The following RILPL1 variants were observed in gnomAD, a reference collection of about 807,000 sequenced individuals.
RILPL1 encodes Rab interacting lysosomal protein like 1.
A neutral mutation model predicts 50.3 loss-of-function variants in RILPL1; 33 were observed. The ratio of observed to expected loss-of-function variants is 0.66; its 90% CI spans 0.50 to 0.88. The LOEUF is 0.88. Among genes scored for constraint, RILPL1 ranks in the 40% least tolerant of loss-of-function variants. The probability of loss-of-function intolerance (pLI) is 0.00; values close to 1 mark genes in which losing one functional copy is unlikely to be tolerated. For synonymous variants in RILPL1, 205 were observed against 228.6 expected (o/e 0.90, Z 0.93); for missense variants, 418 against 542.5 (o/e 0.77, Z 2.28).
intron 2 of RILPL1, among the ~76,000 whole-genome samples, chr12:123,501,936 G>A (rs1162784786): frequency 2.0e-5 from 3 of 148,962 alleles, no homozygotes; most frequent in Non-Finnish European, 4.5e-5. Flanking sequence ...TTAGCCAGGC[G>A]TGGTGGCGCA....
intron 2 of RILPL1, among the ~76,000 whole-genome samples, chr12:123,517,141 C>A (rs531373138): frequency 6.9e-6 from 1 of 144,216 alleles, no homozygotes; most frequent in East Asian, 1.9e-4. Flanking sequence ...CACACAGACA[C>A]GGAGGAGAAC....
rs1882706363 is a variant in RILPL1 at position 123,491,805 on chromosome 12, G to A, written c.802-6000C>T. ...GGATCATTTGAGGTCAAGAGTTCGA[G>A]ATCAGCCTGGGCAACATGGTAAAAC... On this transcript the variant is annotated intron_variant, in intron 4 of 6. Transcript: ENST00000376874. This position sits in a 1 kb window ranked among gnomAD's most constrained non-coding sequence, Gnocchi z 4.0. 6.6e-6 allele frequency among the ~76,000 whole-genome samples: 1 copy of A among 152,118 alleles called. No individual in the cohort carries two copies. The highest frequency in any genetic ancestry group is 1.5e-5 in the Non-Finnish European group (1 of 68,030).
At chr12:123,526,501 G>A (rs1885263513) in intron 1 of RILPL1, among the ~76,000 whole-genome samples, 1 of 152,138 alleles carries the variant, frequency 6.6e-6, no homozygotes, top group Middle Eastern at 3.4e-3. Flanking sequence ...GTGGGTGTGA[G>A]GATTAAATGG....
At chr12:123,487,848 G>A (rs918770612) in intron 4 of RILPL1, among the ~76,000 whole-genome samples, 10 of 152,194 alleles carry the variant, frequency 6.6e-5, no homozygotes, top group Non-Finnish European at 1.3e-4. Context: ...TTGTCAAACC[G>A]TTTCCCACGG....
chr12:123,474,814 C>G (rs1476462104), intron 6 of RILPL1: 1 of 152,200 alleles, frequency 6.6e-6, no homozygotes, highest in Non-Finnish European at 1.5e-5. Context: ...TTTTGGTTCC[C>G]TCTGTTTGCT....
Position 123,499,477 on chromosome 12 carries a change from G to A in RILPL1, c.520C>T (p.Arg174Cys), listed in dbSNP as rs1383271296. 2 of 1,613,806 alleles carry A rather than the reference G, an allele frequency of 1.2e-6. No homozygotes were observed. The highest frequency in any genetic ancestry group is 1.7e-6 in the Non-Finnish European group (2 of 1,179,876). The stretch of plus-strand genomic sequence containing the variant: ...CTGTCCTTGGCGCGGATCTCGTCGC[G>A]TTGTTTGTCCACCACCTCCTTCAGC... ...KKLKEVVDKQ[R>C]DEIRAKDREL... Residue 174 changes from arginine to cysteine, a missense_variant, in exon 3 of 7, where the codon CGC becomes TGC. Physicochemically the swap from Arg to Cys is radical, Grantham distance 180. Coordinates refer to ENST00000376874, the MANE Select transcript of RILPL1 (RefSeq NM_178314.5).
In RILPL1 at chr12:123,475,877, T is replaced by G. The variant is rs147356346; in HGVS notation, c.1068-3195A>C. On this transcript the variant is annotated intron_variant, in intron 6 of 6. Transcript: ENST00000376874. ...AAGTTAGCGGTTGAATTGTGTCACCTGCCTCTAAATTCACTTAAAATTTTT... is the reference window on the plus strand; with the variant it reads ...AAGTTAGCGGTTGAATTGTGTCACCGGCCTCTAAATTCACTTAAAATTTTT... 3.7e-4 allele frequency: 221 copies of G among 599,032 alleles called. No homozygotes were observed. In the African/African-American group the frequency reaches 3.8e-3, roughly 10 times the overall value. 37.1% of individuals were successfully genotyped at this position (599,032 alleles called of 1,614,324 possible). A position where few individuals can be genotyped will look rare whatever the true frequency, so the allele number is the denominator to read the frequency against.
rs1242348707 is a variant in RILPL1, at chr12:123,489,954, T to G, written c.802-4149A>C. Among the ~76,000 whole-genome samples, 1 of 152,216 alleles carries G rather than the reference T, an allele frequency of 6.6e-6. No individual in the cohort carries two copies. Among genetic ancestry groups the G allele is most frequent in the Non-Finnish European group, 1.5e-5 (1 of 68,040 alleles). On this transcript the variant is annotated intron_variant, in intron 4 of 6. Transcript: ENST00000376874. The surrounding 1 kb of genome is among the most constrained non-coding windows in gnomAD (Gnocchi z 4.0). ...AGATTTCATATTGAAGTTTGCATTT[T>G]GGGCTTCCTGTGGAAAGTGCGCTGG...
intron 6 of RILPL1, chr12:123,473,975 C>G (rs759517790): frequency 2.0e-5 from 3 of 152,180 alleles, no homozygotes; most frequent in Admixed American, 6.5e-5. Context: ...ACCTCCACCT[C>G]CCCGGTTCAA....
In RILPL1 at chr12:123,533,119, C is replaced by T; in HGVS notation, c.309+55G>A. The T allele has an allele frequency of 6.8e-7, 1 of 1,466,540 alleles. No homozygotes were observed. The highest frequency in any genetic ancestry group is 9.1e-7 in the Non-Finnish European group (1 of 1,101,560). The allele number at this position is 1,466,540 out of a possible 1,614,324, so 90.8% of individuals were successfully genotyped here. A position where few individuals can be genotyped will look rare whatever the true frequency, so the allele number is the denominator to read the frequency against. On this transcript the variant is annotated intron_variant, in intron 1 of 6. Coordinates refer to ENST00000376874, the MANE Select transcript of RILPL1 (RefSeq NM_178314.5). This position sits in a 1 kb window ranked among gnomAD's most constrained non-coding sequence, Gnocchi z 6.2. ...CCACAGCTGCCCAATGCGGAAGAGCCCTTGGGTCCCCGCGGTCCCACTGCC... is the reference window on the plus strand; with the variant it reads ...CCACAGCTGCCCAATGCGGAAGAGCTCTTGGGTCCCCGCGGTCCCACTGCC...
intron 4 of RILPL1, among the ~76,000 whole-genome samples, chr12:123,494,181 C>A (rs1012665851): frequency 1.3e-5 from 2 of 152,194 alleles, no homozygotes; most frequent in Non-Finnish European, 2.9e-5. Context: ...CAAGCTCATT[C>A]CCCTCACTTG....
At chr12:123,501,983 G>A (rs1883425228) in intron 2 of RILPL1, among the ~76,000 whole-genome samples, 1 of 151,350 alleles carries the variant, frequency 6.6e-6, no homozygotes, top group Non-Finnish European at 1.5e-5. Context: ...GCTGAGGCAG[G>A]AGAATCACTT....
At chr12:123,531,906 C>G (rs991863230) in intron 1 of RILPL1, among the ~76,000 whole-genome samples, 1 of 152,142 alleles carries the variant, frequency 6.6e-6, no homozygotes, top group Non-Finnish European at 1.5e-5. Context: ...TTCAGGCTCC[C>G]AGAGTGACCT....
At chr12:123,505,133 T>C (rs966333524) in intron 2 of RILPL1, among the ~76,000 whole-genome samples, 1 of 152,170 alleles carries the variant, frequency 6.6e-6, no homozygotes, top group African/African-American at 2.4e-5. Flanking sequence ...CTCTACCTCC[T>C]CAGTTCAAGG....
At position 123,472,060 on chromosome 12, in the gene RILPL1, C is replaced by T. The variant is rs540305554; in HGVS notation, c.*478G>A. On this transcript the variant is annotated 3_prime_UTR_variant, in exon 7 of 7. Transcript: ENST00000376874. Reference sequence around the variant, plus strand: ...CCCTTGTCTGCCTGATGGATACATTCTGTATAATACGTTACCATCACAATT... The same window carrying T: ...CCCTTGTCTGCCTGATGGATACATTTTGTATAATACGTTACCATCACAATT... 1 of 156,312 alleles carries T rather than the reference C, an allele frequency of 6.4e-6. No individual in the cohort carries two copies. Among genetic ancestry groups the T allele is most frequent in the African/African-American group, 2.4e-5 (1 of 41,640 alleles). 9.7% of individuals were successfully genotyped at this position (156,312 alleles called of 1,614,324 possible).
intron 4 of RILPL1, among the ~76,000 whole-genome samples, chr12:123,490,590 CTTTTT>C (rs1007945084): frequency 6.7e-6 from 1 of 149,012 alleles, no homozygotes; most frequent in Non-Finnish European, 1.5e-5. Flanking sequence ...TCCTTACTCT[CTTTTT>C]TTTTTAATTT....
chr12:123,490,724 C>CACCATGCCCGCCCTGACTTCTAATACT (rs1882636953), intron 4 of RILPL1, among the ~76,000 whole-genome samples: 1 of 151,504 alleles, frequency 6.6e-6, no homozygotes, highest in African/African-American at 2.4e-5. Context: ...AGGCGTGAGC[C>CACCATGCCCGCCCTGACTTCTAATACT]ATTGTGTCTG....
intron 4 of RILPL1, among the ~76,000 whole-genome samples, chr12:123,486,759 C>T (rs538641473): frequency 6.6e-5 from 10 of 151,902 alleles, no homozygotes; most frequent in South Asian, 2.1e-4. Flanking sequence ...TGTGCCTCAG[C>T]CTCCCGAGTA....
chr12:123,530,259 G>A (rs1044475376), intron 1 of RILPL1, among the ~76,000 whole-genome samples: 18 of 152,100 alleles, frequency 1.2e-4, no homozygotes, highest in Admixed American at 1.1e-3. Context: ...TCTGCCTCCC[G>A]GGTTCAAGCG....
Sources: allele counts gnomAD v4.1 joint callset (sites outside exome capture counted in the v4.1 genomes callset), GRCh38; gene constraint gnomAD v4.1.1; non-coding constraint Gnocchi (gnomAD v3.1); transcripts MANE v1.5; gene names NCBI Gene and HGNC (gene_info 2026-07-23, HGNC 2026-07-21).